The following RANBP2 variants were observed in gnomAD, a reference collection of about 807,000 sequenced individuals.
RANBP2 encodes E3 SUMO-protein ligase RanBP2.
A neutral mutation model predicts 303.6 loss-of-function variants in RANBP2; 57 were observed. That is an observed-to-expected ratio of 0.19 (90% CI 0.15 to 0.23). RANBP2 has a LOEUF of 0.23. Among genes scored for constraint, RANBP2 ranks in the 10% least tolerant of loss-of-function variants. The pLI is 1.00. For synonymous variants in RANBP2, 1,167 were observed against 1,301.5 expected (o/e 0.90, Z 2.23); for missense variants, 3,138 against 3,780.8 (o/e 0.83, Z 4.46).
At chr2:109,099,942 A>T in the RANBP2 span, among the ~76,000 whole-genome samples, 2 of 151,826 alleles carry the variant, frequency 1.3e-5, no homozygotes, top group Admixed American at 1.3e-4. Flanking sequence ...TTCAGTTTCC[A>T]CTTTATTCTT....
the RANBP2 span, among the ~76,000 whole-genome samples, chr2:109,019,643 T>C: frequency 6.6e-6 from 1 of 152,184 alleles, no homozygotes; most frequent in Non-Finnish European, 1.5e-5. Context: ...AGCAATTTGA[T>C]GTGCTGGTTT....
At chr2:108,776,743 A>G (rs1677919710) in intron 24 of RANBP2, among the ~76,000 whole-genome samples, 1 of 152,194 alleles carries the variant, frequency 6.6e-6, no homozygotes, top group African/African-American at 2.4e-5. Context: ...GCTTATTTAT[A>G]GTACAGAACA....
chr2:108,952,257 G>T, the RANBP2 span, among the ~76,000 whole-genome samples: 1 of 152,164 alleles, frequency 6.6e-6, no homozygotes, highest in Non-Finnish European at 1.5e-5. Flanking sequence ...GATTGATTTG[G>T]TTTAAATAAT....
chr2:109,581,739 A>G, the RANBP2 span, among the ~76,000 whole-genome samples: 1 of 152,242 alleles, frequency 6.6e-6, no homozygotes, highest in Admixed American at 6.5e-5. Context: ...TAGGCAAAAG[A>G]TGAAAGCATT....
the RANBP2 span, among the ~76,000 whole-genome samples, chr2:109,166,459 G>GAAAAAAAAA: frequency 3.7e-5 from 5 of 134,294 alleles, 1 homozygote; most frequent in Admixed American, 1.5e-4. Context: ...CCTGGTGACA[G>GAAAAAAAAA]AAAAAAAAAA....
the RANBP2 span, among the ~76,000 whole-genome samples, chr2:109,214,627 G>C: frequency 6.6e-6 from 1 of 152,094 alleles, no homozygotes; most frequent in South Asian, 2.1e-4. Context: ...CATCTGAACA[G>C]CCCTGGAAGA....
At chr2:108,930,860 G>A in the RANBP2 span, 1 of 1,253,664 alleles carries the variant, frequency 8.0e-7, no homozygotes, top group Middle Eastern at 2.4e-4. Flanking sequence ...TGTGGAGGAG[G>A]GACTATGATC....
intron 2 of RANBP2, among the ~76,000 whole-genome samples, chr2:108,730,324 GAAATTACTTTCTTGCTT>G (rs1164689623): frequency 6.7e-6 from 1 of 150,192 alleles, no homozygotes; most frequent in Non-Finnish European, 1.5e-5. Flanking sequence ...AGTACTGTTA[GAAATTACTTTCTTGCTT>G]AAAGGGTAAA....
the RANBP2 span, among the ~76,000 whole-genome samples, chr2:109,122,498 G>T: frequency 9.6e-4 from 146 of 152,324 alleles, no homozygotes; most frequent in African/African-American, 3.4e-3. Context: ...GAGGTGTTGG[G>T]TAGCAGGGAT....
chr2:109,509,528 G>C, the RANBP2 span, among the ~76,000 whole-genome samples: 1 of 152,028 alleles, frequency 6.6e-6, no homozygotes. Flanking sequence ...ATTCATCTCT[G>C]TGCGTCTGTA....
chr2:109,794,646 G>C, the RANBP2 span: 1 of 887,294 alleles, frequency 1.1e-6, no homozygotes, highest in Non-Finnish European at 1.3e-6. Flanking sequence ...GATGGCTCAG[G>C]CGTCATGTCT....
chr2:108,773,939 G>A (rs1391639864), intron 23 of RANBP2, among the ~76,000 whole-genome samples: 1 of 152,118 alleles, frequency 6.6e-6, no homozygotes, highest in Non-Finnish European at 1.5e-5. Context: ...GAGCCACCGC[G>A]CCTGGCCAGG....
the RANBP2 span, chr2:108,846,777 G>A: frequency 1.2e-6 from 2 of 1,612,982 alleles, no homozygotes; most frequent in Admixed American, 3.3e-5. Flanking sequence ...ATTGGGTGAA[G>A]ACATTTTTAA....
chr2:109,088,925 T>C, the RANBP2 span, among the ~76,000 whole-genome samples: 1 of 151,854 alleles, frequency 6.6e-6, no homozygotes, highest in African/African-American at 2.4e-5. Flanking sequence ...GGAGGGAGAG[T>C]TGAGCCCCAA....
At chr2:109,147,347 A>T in the RANBP2 span, among the ~76,000 whole-genome samples, 1 of 152,194 alleles carries the variant, frequency 6.6e-6, no homozygotes, top group African/African-American at 2.4e-5. Flanking sequence ...GGACGAGACT[A>T]TCTCTGCGCT....
the RANBP2 span, among the ~76,000 whole-genome samples, chr2:109,379,712 C>T: frequency 6.6e-6 from 1 of 152,316 alleles, no homozygotes; most frequent in East Asian, 1.9e-4. Flanking sequence ...GATGCCAATC[C>T]TGCTTGCATT....
At chr2:109,413,018 C>T in the RANBP2 span, among the ~76,000 whole-genome samples, 2 of 152,358 alleles carry the variant, frequency 1.3e-5, no homozygotes, top group African/African-American at 4.8e-5. Flanking sequence ...AGCCCCACAC[C>T]CTGGAACTTC....
chr2:109,159,851 G>T, the RANBP2 span, among the ~76,000 whole-genome samples: 1 of 152,150 alleles, frequency 6.6e-6, no homozygotes, highest in African/African-American at 2.4e-5. Context: ...ACTGTCTTCC[G>T]TCACCCTCAG....
the RANBP2 span, among the ~76,000 whole-genome samples, chr2:109,643,561 A>G: frequency 6.6e-6 from 1 of 151,586 alleles, no homozygotes; most frequent in African/African-American, 2.4e-5. Context: ...GGAGTTTCAG[A>G]CCAGCCTGGC....
Sources: allele counts gnomAD v4.1 joint callset (sites outside exome capture counted in the v4.1 genomes callset), GRCh38; gene constraint gnomAD v4.1.1; transcripts MANE v1.5; gene names NCBI Gene and HGNC (gene_info 2026-07-23, HGNC 2026-07-21).